LGR5: variants seen among roughly 807,000 people sequenced by gnomAD.
LGR5 encodes leucine rich repeat containing G protein-coupled receptor 5.
A neutral mutation model predicts 76.7 loss-of-function variants in LGR5; 54 were observed. The ratio of observed to expected loss-of-function variants is 0.70; its 90% CI spans 0.57 to 0.88. LGR5 has a LOEUF of 0.88. Ranked by LOEUF, LGR5 falls within the 40% of genes least tolerant of loss-of-function variation. The pLI is 0.00. For synonymous variants in LGR5, 406 were observed against 421.9 expected (o/e 0.96, Z 0.46); for missense variants, 1,078 against 1,073.3 (o/e 1.00, Z -0.06).
intron 1 of LGR5, among the ~76,000 whole-genome samples, chr12:71,461,127 T>C (rs1160290163): frequency 1.3e-5 from 2 of 152,200 alleles, no homozygotes; most frequent in African/African-American, 4.8e-5. Context: ...TTTAGCCTTA[T>C]CTAGATCTCC....
intron 16 of LGR5, among the ~76,000 whole-genome samples, chr12:71,580,996 C>T (rs1879068263): frequency 6.6e-6 from 1 of 152,102 alleles, no homozygotes; most frequent in Admixed American, 6.5e-5. Flanking sequence ...TTAGATTCCC[C>T]CTTAGCATAT....
At chr12:71,475,404 A>G (rs1385431875) in intron 1 of LGR5, among the ~76,000 whole-genome samples, 1 of 152,224 alleles carries the variant, frequency 6.6e-6, no homozygotes, top group Non-Finnish European at 1.5e-5. Context: ...TTAAAGTCCT[A>G]GAGTGGCTCC....
intron 1 of LGR5, among the ~76,000 whole-genome samples, chr12:71,446,979 T>A (rs1473472962): frequency 1.3e-5 from 2 of 152,210 alleles, no homozygotes; most frequent in African/African-American, 2.4e-5. Context: ...TAGGCAAGAA[T>A]AAAACTTTTT....
At chr12:71,513,354 T>C (rs555337841) in intron 2 of LGR5, among the ~76,000 whole-genome samples, 38 of 152,338 alleles carry the variant, frequency 2.5e-4, no homozygotes, top group African/African-American at 8.9e-4. Context: ...GGTTTTCTGA[T>C]AGCCAATGCC....
rs748017333 is a variant in LGR5, at chr12:71,583,820, A to G, written c.1810A>G (p.Met604Val). 9 of 1,614,034 alleles carry G rather than the reference A, an allele frequency of 5.6e-6. No individual in the cohort carries two copies. Among genetic ancestry groups the G allele is most frequent in the Non-Finnish European group, 7.6e-6 (9 of 1,180,036 alleles). The change falls in exon 18 of 18, where the codon ATG (methionine) becomes GTG (valine). Residue 604 changes from methionine (M) to valine (V), a missense_variant. Physicochemically the swap from Met to Val is conservative, Grantham distance 21. Transcript: ENST00000266674. Reference sequence around the variant, plus strand: ...AATTGGGGTCATCGCAGCAGTGAACATGCTCACGGGAGTCTCCAGTGCCGT... The same window carrying G: ...AATTGGGGTCATCGCAGCAGTGAACGTGCTCACGGGAGTCTCCAGTGCCGT... Reference protein sequence around the residue: ...LLIGVIAAVNMLTGVSSAVLA... With the variant: ...LLIGVIAAVNVLTGVSSAVLA...
At chr12:71,518,003 C>T (rs886500232) in intron 2 of LGR5, among the ~76,000 whole-genome samples, 1 of 152,086 alleles carries the variant, frequency 6.6e-6, no homozygotes, top group Admixed American at 6.5e-5. Flanking sequence ...CTACACTATC[C>T]CACCATCTCC....
chr12:71,454,776 A>AACACACAC (rs35219754), intron 1 of LGR5, among the ~76,000 whole-genome samples: 4 of 146,944 alleles, frequency 2.7e-5, no homozygotes, highest in African/African-American at 5.0e-5. Context: ...CATAGACACA[A>AACACACAC]ACACACACAC....
intron 13 of LGR5, among the ~76,000 whole-genome samples, chr12:71,576,405 G>A (rs1229165320): frequency 6.6e-6 from 1 of 152,156 alleles, no homozygotes; most frequent in African/African-American, 2.4e-5. Context: ...GCTTAAGCAT[G>A]GAGAAGTGTT....
rs1452559614 is a variant in LGR5 at position 71,556,776 on chromosome 12, G to C, written c.716+86G>C. On this transcript the variant is annotated intron_variant, in intron 6 of 17. Coordinates refer to ENST00000266674, the MANE Select transcript of LGR5 (RefSeq NM_003667.4). Reference sequence around the variant, plus strand: ...CAAAATAGCCTTAAAGCCAGACTTTGTTTGGTTTGGTTAATTGCCTAAGCT... The same window carrying C: ...CAAAATAGCCTTAAAGCCAGACTTTCTTTGGTTTGGTTAATTGCCTAAGCT... 3.8e-6 allele frequency: 4 copies of C among 1,041,830 alleles called. No homozygotes were observed. In the East Asian group the frequency reaches 9.5e-5, roughly 25 times the overall value. 64.5% of individuals were successfully genotyped at this position (1,041,830 alleles called of 1,614,324 possible).
chr12:71,579,458 G>T (rs1878999611), intron 15 of LGR5, among the ~76,000 whole-genome samples: 1 of 152,070 alleles, frequency 6.6e-6, no homozygotes, highest in South Asian at 2.1e-4. Context: ...AGAGAGTTGG[G>T]AAAGCATAAG....
chr12:71,467,779 C>A (rs1167300562), intron 1 of LGR5, among the ~76,000 whole-genome samples: 1 of 152,128 alleles, frequency 6.6e-6, no homozygotes, highest in Non-Finnish European at 1.5e-5. Flanking sequence ...CTTTTCATGT[C>A]ATTTCCATAG....
intron 3 of LGR5, 98 bp from the exon 4 acceptor site, chr12:71,535,017 C>A: frequency 1.4e-6 from 1 of 717,804 alleles, no homozygotes. Flanking sequence ...GTCTGATGCT[C>A]TGTTGTTTTT....
At chr12:71,470,100 C>A (rs1461790209) in intron 1 of LGR5, among the ~76,000 whole-genome samples, 1 of 152,184 alleles carries the variant, frequency 6.6e-6, no homozygotes, top group South Asian at 2.1e-4. Flanking sequence ...GGTATCCATA[C>A]CACCAGCAGT....
chr12:71,469,554 A>G (rs1873007516), intron 1 of LGR5, among the ~76,000 whole-genome samples: 1 of 152,250 alleles, frequency 6.6e-6, no homozygotes, highest in Admixed American at 6.5e-5. Context: ...GTGATCTGAC[A>G]GAAAGCGACA....
intron 4 of LGR5, among the ~76,000 whole-genome samples, chr12:71,545,134 TAAAA>T (rs1877088484): frequency 6.6e-6 from 1 of 151,840 alleles, no homozygotes; most frequent in Non-Finnish European, 1.5e-5. Flanking sequence ...AAAATAAAAA[TAAAA>T]ATAAATCTTT....
At chr12:71,442,652 A>G (rs1009971949) in intron 1 of LGR5, among the ~76,000 whole-genome samples, 1 of 152,160 alleles carries the variant, frequency 6.6e-6, no homozygotes, top group Non-Finnish European at 1.5e-5. Context: ...GTCCCTATAT[A>G]CTAAAAAATG....
At chr12:71,558,507 C>T (rs1252030351) in intron 6 of LGR5, among the ~76,000 whole-genome samples, 2 of 152,164 alleles carry the variant, frequency 1.3e-5, no homozygotes, top group African/African-American at 2.4e-5. Context: ...GGGTCCAATC[C>T]TTGTTTAATC....
At chr12:71,524,030 A>G (rs746315933) in intron 2 of LGR5, among the ~76,000 whole-genome samples, 9 of 152,220 alleles carry the variant, frequency 5.9e-5, no homozygotes, top group Non-Finnish European at 1.0e-4. Context: ...AATCTATTTT[A>G]TCTTACAAAG....
chr12:71,490,207 T>C (rs1874008937), intron 1 of LGR5, among the ~76,000 whole-genome samples: 1 of 152,082 alleles, frequency 6.6e-6, no homozygotes, highest in Admixed American at 6.5e-5. Context: ...GTTAAGAGAA[T>C]ATAATGTTGC....
Sources: allele counts gnomAD v4.1 joint callset (sites outside exome capture counted in the v4.1 genomes callset), GRCh38; gene constraint gnomAD v4.1.1; transcripts MANE v1.5; gene names NCBI Gene and HGNC (gene_info 2026-07-23, HGNC 2026-07-21).